The following SNX13 variants were observed in gnomAD, a reference collection of about 807,000 sequenced individuals.
The protein encoded by SNX13 is sorting nexin 13.
Under a neutral mutation model 133.6 loss-of-function variants are expected in SNX13, and 45 were observed. The ratio of observed to expected loss-of-function variants is 0.34; its 90% confidence interval spans 0.27 to 0.43. The LOEUF is 0.43. Among genes scored for constraint, SNX13 ranks in the 20% least tolerant of loss-of-function variants. The pLI, the probability that SNX13 is intolerant of heterozygous loss-of-function variation, is 1.00. For synonymous variants in SNX13, 414 were observed against 373.9 expected (o/e 1.11, Z -1.24); for missense variants, 1,032 against 1,145.1 (o/e 0.90, Z 1.43).
At position 17,890,353 on chromosome 7, in the gene SNX13, G is replaced by A. The variant is rs114305656; in HGVS notation, c.440+10C>T. ...AATTTTTCTGCATAAATACAATGTC[G>A]TGTCCTTACCTAGTAGCAAACTGAA... On this transcript the variant is annotated intron_variant, in intron 5 of 25. Transcript: ENST00000428135. 4.2e-4 allele frequency: 670 copies of A among 1,605,100 alleles called. 1 individual carries two copies. In the African/African-American group the frequency reaches 5.0e-3, roughly 12 times the overall value.
At chr7:17,848,998 CCTA>C (rs1328769383) in intron 11 of SNX13, among the ~76,000 whole-genome samples, 15 of 152,210 alleles carry the variant, frequency 9.9e-5, no homozygotes, top group Non-Finnish European at 1.9e-4. Context: ...CCAGTGCATT[CCTA>C]CTTACACACA....
intron 16 of SNX13, among the ~76,000 whole-genome samples, chr7:17,828,064 T>A (rs1284799173): frequency 6.6e-6 from 1 of 151,796 alleles, no homozygotes; most frequent in Non-Finnish European, 1.5e-5. Flanking sequence ...CATCTCATAC[T>A]ATGCAATCCA....
chr7:17,831,669 C>T, intron 15 of SNX13: 1 of 983,942 alleles, frequency 1.0e-6, no homozygotes, highest in Non-Finnish European at 1.2e-6. Context: ...TACATTAATC[C>T]CTAGGTTAGA....
intron 16 of SNX13, 35 bp downstream of exon 16, chr7:17,829,975 A>T: frequency 7.0e-7 from 1 of 1,435,066 alleles, no homozygotes; most frequent in South Asian, 1.3e-5. Flanking sequence ...ATTATTTTCA[A>T]GTCACTTTAA....
At chr7:17,940,066 G>C (rs188751639) in intron 1 of SNX13, among the ~76,000 whole-genome samples, 3 of 152,298 alleles carry the variant, frequency 2.0e-5, no homozygotes, top group Admixed American at 2.0e-4. Flanking sequence ...AGTGGCAACT[G>C]CGAAAGGCGA....
intron 1 of SNX13, among the ~76,000 whole-genome samples, chr7:17,937,863 C>A (rs1270022369): frequency 6.6e-6 from 1 of 152,146 alleles, no homozygotes; most frequent in Admixed American, 6.5e-5. Context: ...TGTAAAGAAT[C>A]CAGGCACATA....
intron 12 of SNX13, among the ~76,000 whole-genome samples, chr7:17,845,148 G>A (rs1253404136): frequency 8.6e-6 from 1 of 116,548 alleles, no homozygotes; most frequent in African/African-American, 2.7e-5. Flanking sequence ...GTGTGTGCGT[G>A]TGTGTACACA....
At chr7:17,796,633 G>C in intron 25 of SNX13, 194 bp downstream of exon 25, 1 of 537,538 alleles carries the variant, frequency 1.9e-6, no homozygotes, top group Non-Finnish European at 3.3e-6. Context: ...GATGTTAACA[G>C]TCCTTAGCTT....
intron 5 of SNX13, among the ~76,000 whole-genome samples, chr7:17,887,417 C>T (rs1796128115): frequency 6.6e-6 from 1 of 152,106 alleles, no homozygotes; most frequent in Admixed American, 6.6e-5. Context: ...CACCCAAATT[C>T]CACAGAGAAG....
At chr7:17,861,176 C>T (rs987147909) in intron 9 of SNX13, among the ~76,000 whole-genome samples, 2 of 152,066 alleles carry the variant, frequency 1.3e-5, no homozygotes, top group Admixed American at 1.3e-4. Context: ...CCACCATGCA[C>T]AGATATTTTT....
chr7:17,833,793 C>T (rs1271129433), intron 15 of SNX13, among the ~76,000 whole-genome samples: 2 of 151,654 alleles, frequency 1.3e-5, no homozygotes, highest in Admixed American at 6.6e-5. Flanking sequence ...AAAAATATTT[C>T]AGTGACTCAC....
At chr7:17,893,982 AAAACTT>A (rs1796930864) in intron 2 of SNX13, among the ~76,000 whole-genome samples, 1 of 151,272 alleles carries the variant, frequency 6.6e-6, no homozygotes, top group Non-Finnish European at 1.5e-5. Flanking sequence ...AAAAAAAAAA[AAAACTT>A]AAGTGACATT....
In SNX13 at chr7:17,841,573, C is replaced by CACAT. The variant is rs1324663395; in HGVS notation, c.1166-1574_1166-1573insATGT. On this transcript the variant is annotated intron_variant, in intron 12 of 25. Coordinates refer to ENST00000428135, the MANE Select transcript of SNX13 (RefSeq NM_015132.5). ...ATTCATACACACACACACACACACA[C>CACAT]ACACACACACGCACACACACCCCAA... Among the ~76,000 whole-genome samples the CACAT allele has an allele frequency of 2.0e-5, 3 of 151,200 alleles. No individual in the cohort carries two copies. In the Admixed American group the frequency reaches 2.0e-4, roughly 10 times the overall value.
chr7:17,801,034 A>T (rs1380736930), intron 22 of SNX13, among the ~76,000 whole-genome samples: 2 of 19,984 alleles, frequency 1.0e-4, no homozygotes, highest in African/African-American at 3.1e-4. Context: ...ATATATATAT[A>T]TATATATATA....
intron 9 of SNX13, among the ~76,000 whole-genome samples, chr7:17,853,548 GA>G (rs1256572514): frequency 1.1e-4 from 16 of 152,010 alleles, no homozygotes; most frequent in African/African-American, 3.1e-4. Context: ...AGTACTAAAA[GA>G]AAAAAATACA....
At chr7:17,875,383 T>C in intron 7 of SNX13, 97 bp downstream of exon 7, 1 of 876,174 alleles carries the variant, frequency 1.1e-6, no homozygotes, top group Non-Finnish European at 1.8e-6. Context: ...CTACCTGCCC[T>C]AAGTAAGAAT....
intron 1 of SNX13, among the ~76,000 whole-genome samples, chr7:17,934,804 G>A (rs1801838739): frequency 6.6e-6 from 1 of 152,068 alleles, no homozygotes; most frequent in Admixed American, 6.5e-5. Flanking sequence ...CTAACCATTA[G>A]GAAAATGCAA....
chr7:17,862,774 T>A (rs748517257), intron 9 of SNX13, among the ~76,000 whole-genome samples: 9 of 152,168 alleles, frequency 5.9e-5, no homozygotes, highest in Non-Finnish European at 1.2e-4. Flanking sequence ...TATACATTAT[T>A]GGAGGAGGCC....
At position 17,840,002 on chromosome 7, in the gene SNX13, T is replaced by C; in HGVS notation, c.1166-2A>G. The C allele has an allele frequency of 6.2e-7, 1 of 1,604,654 alleles. No individual in the cohort carries two copies. Among genetic ancestry groups the C allele is most frequent in the Non-Finnish European group, 8.5e-7 (1 of 1,175,434 alleles). ...GACCTCCAGTTTGCTGCATGTAATCTAGCAATCAAAAATCCATAATAACAT... is the reference window on the plus strand; with the variant it reads ...GACCTCCAGTTTGCTGCATGTAATCCAGCAATCAAAAATCCATAATAACAT... On this transcript the variant is annotated splice_acceptor_variant, in intron 12 of 25. Coordinates refer to ENST00000428135, the MANE Select transcript of SNX13 (RefSeq NM_015132.5). LOFTEE classifies it high-confidence loss of function.
Sources: allele counts gnomAD v4.1 joint callset (sites outside exome capture counted in the v4.1 genomes callset), GRCh38; gene constraint gnomAD v4.1.1; transcripts MANE v1.5; gene names NCBI Gene and HGNC (gene_info 2026-07-23, HGNC 2026-07-21).